MAN1A1: variants seen among roughly 807,000 people sequenced by gnomAD.
MAN1A1 encodes mannosidase alpha class 1A member 1.
Under a neutral mutation model 70.8 loss-of-function variants are expected in MAN1A1, and 29 were observed. That is an observed-to-expected ratio of 0.41 (90% CI 0.31 to 0.56). The LOEUF (loss-of-function observed/expected upper bound fraction) is 0.56, where lower values mean the gene tolerates loss of function less well. Among genes scored for constraint, MAN1A1 ranks in the 20% least tolerant of loss-of-function variants. The probability of loss-of-function intolerance (pLI) is 0.29; values close to 1 mark genes in which losing one functional copy is unlikely to be tolerated. For missense variants in MAN1A1, 747 were observed against 841.3 expected, an observed-to-expected ratio of 0.89 and a Z score of 1.39; for synonymous variants, 349 against 330.1, an observed-to-expected ratio of 1.06 and a Z score of -0.62.
chr6:119,282,884 A>G (rs144653166), intron 5 of MAN1A1, among the ~76,000 whole-genome samples: 1 of 152,318 alleles, frequency 6.6e-6, no homozygotes, highest in Non-Finnish European at 1.5e-5. Context: ...TAAGGACCAT[A>G]TATGTACCTT....
rs553812605 is a variant in MAN1A1 at position 119,331,565 on chromosome 6, T to C, written c.603+16898A>G. On this transcript the variant is annotated intron_variant, in intron 2 of 12. Transcript: ENST00000368468. Reference sequence around the variant, plus strand: ...ATACACGCACATAACCATGTACATATTATGCATATATATATATATATATAT... The same window carrying C: ...ATACACGCACATAACCATGTACATACTATGCATATATATATATATATATAT... 6.6e-3 allele frequency among the ~76,000 whole-genome samples: 362 copies of C among 55,242 alleles called. 4 individuals are homozygous for C. The highest frequency in any genetic ancestry group is 7.6e-3 in the Non-Finnish European group (203 of 26,744). 36.2% of individuals were successfully genotyped at this position (55,242 alleles called of 152,430 possible).
chr6:119,281,525 C>G (rs930334642), intron 5 of MAN1A1, among the ~76,000 whole-genome samples: 1 of 152,336 alleles, frequency 6.6e-6, no homozygotes, highest in Non-Finnish European at 1.5e-5. Context: ...CCACCACTCC[C>G]TCTTCCCCAT....
At chr6:119,327,378 G>GTTTTTTTTTTT (rs1186844213) in intron 2 of MAN1A1, 1 of 123,554 alleles carries the variant, frequency 8.1e-6, no homozygotes, top group Non-Finnish European at 1.7e-5. Flanking sequence ...GAAGCATTCC[G>GTTTTTTTTTTT]TTTTTTTTTT....
chr6:119,348,018 G>A (rs1203967713), intron 2 of MAN1A1, among the ~76,000 whole-genome samples: 1 of 152,226 alleles, frequency 6.6e-6, no homozygotes, highest in Non-Finnish European at 1.5e-5. Flanking sequence ...TGGCAGACAA[G>A]GGCCACACAG....
chr6:119,212,876 T>A (rs1774092483), intron 6 of MAN1A1, among the ~76,000 whole-genome samples: 1 of 152,216 alleles, frequency 6.6e-6, no homozygotes, highest in Non-Finnish European at 1.5e-5. Context: ...TGATGCCTAA[T>A]ACATTCTTTA....
At chr6:119,192,572 A>T (rs1303493369) in intron 9 of MAN1A1, among the ~76,000 whole-genome samples, 1 of 152,178 alleles carries the variant, frequency 6.6e-6, no homozygotes, top group Non-Finnish European at 1.5e-5. Flanking sequence ...TAGAAAGACC[A>T]ATTTTATAAT....
intron 6 of MAN1A1, among the ~76,000 whole-genome samples, chr6:119,211,225 C>T (rs1774042225): frequency 6.6e-6 from 1 of 152,146 alleles, no homozygotes; most frequent in South Asian, 2.1e-4. Flanking sequence ...CTATGTTTTC[C>T]ATCTCTGTCT....
chr6:119,230,881 T>C lies in MAN1A1; in HGVS notation c.992+17379A>G, dbSNP rs184876063. Among the ~76,000 whole-genome samples the C allele has an allele frequency of 3.9e-5, 6 of 152,338 alleles. No individual in the cohort carries two copies. The East Asian group carries it at 9.7e-4, about 25-fold the overall frequency. On this transcript the variant is annotated intron_variant, in intron 6 of 12. Transcript: ENST00000368468. Reference sequence around the variant, plus strand: ...AACTTTGTGGAGTCCCTCAACTCCATAGTATAGCTTATACTGGCAATGGGA... The same window carrying C: ...AACTTTGTGGAGTCCCTCAACTCCACAGTATAGCTTATACTGGCAATGGGA...
At chr6:119,332,538 C>T (rs183576445) in intron 2 of MAN1A1, among the ~76,000 whole-genome samples, 9 of 152,254 alleles carry the variant, frequency 5.9e-5, no homozygotes, top group East Asian at 1.9e-4. Flanking sequence ...GCCAACTGGC[C>T]GGGCACGGTG....
chr6:119,193,513 A>G (rs899434096), intron 9 of MAN1A1, among the ~76,000 whole-genome samples: 2 of 152,204 alleles, frequency 1.3e-5, no homozygotes, highest in African/African-American at 4.8e-5. Flanking sequence ...GAGAGAATTC[A>G]TATTTATCAA....
chr6:119,221,681 G>A (rs1774365428), intron 6 of MAN1A1, among the ~76,000 whole-genome samples: 1 of 151,944 alleles, frequency 6.6e-6, no homozygotes, highest in African/African-American at 2.4e-5. Context: ...TCAAACTCCT[G>A]ACCTCAAGTA....
At chr6:119,236,117 A>G (rs1774836795) in intron 6 of MAN1A1, among the ~76,000 whole-genome samples, 1 of 143,920 alleles carries the variant, frequency 6.9e-6, no homozygotes, top group Middle Eastern at 3.4e-3. Context: ...CCTGGATGAT[A>G]GAGCAAGACT....
chr6:119,230,772 A>G (rs1336237838), intron 6 of MAN1A1, among the ~76,000 whole-genome samples: 2 of 152,082 alleles, frequency 1.3e-5, no homozygotes, highest in African/African-American at 4.8e-5. Flanking sequence ...TTTTAGGGGG[A>G]AAAAACCCCA....
chr6:119,241,898 ATGTGTGTGTG>A (rs59230995), intron 6 of MAN1A1, among the ~76,000 whole-genome samples: 14 of 149,580 alleles, frequency 9.4e-5, no homozygotes, highest in African/African-American at 3.2e-4. Context: ...CAGCAATTAT[ATGTGTGTGTG>A]TGTGTGTGTG....
chr6:119,308,168 G>A (rs1342850085), intron 2 of MAN1A1, among the ~76,000 whole-genome samples: 1 of 152,094 alleles, frequency 6.6e-6, no homozygotes, highest in Non-Finnish European at 1.5e-5. Context: ...AGGTTTGGAA[G>A]TTAAAAAACA....
At chr6:119,336,018 C>G (rs542447326) in intron 2 of MAN1A1, among the ~76,000 whole-genome samples, 1 of 152,166 alleles carries the variant, frequency 6.6e-6, no homozygotes, top group African/African-American at 2.4e-5. Flanking sequence ...AATGCAAATT[C>G]TGGGGCCCAC....
chr6:119,221,102 T>C (rs1029029519), intron 6 of MAN1A1, among the ~76,000 whole-genome samples: 3 of 150,792 alleles, frequency 2.0e-5, no homozygotes, highest in Non-Finnish European at 4.5e-5. Flanking sequence ...ACAAGCCCAG[T>C]GCTTTAGCAT....
Position 119,349,713 on chromosome 6 carries a change from G to A in MAN1A1, c.-394C>T, listed in dbSNP as rs1257981783. The A allele has an allele frequency of 2.0e-6, 2 of 985,670 alleles. No homozygotes were observed. The highest frequency in any genetic ancestry group is 2.4e-6 in the Non-Finnish European group (2 of 830,066). The allele number at this position is 985,670 out of a possible 1,614,324, so 61.1% of individuals were successfully genotyped here. A position where few individuals can be genotyped will look rare whatever the true frequency, so the allele number is the denominator to read the frequency against. On this transcript the variant is annotated 5_prime_UTR_variant, in exon 1 of 13. Coordinates refer to ENST00000368468, the MANE Select transcript of MAN1A1 (RefSeq NM_005907.4). The stretch of plus-strand genomic sequence containing the variant: ...GAGCGCGCCGACCTGCGGGCGAATG[G>A]CAGCGAGTAGAGCAGCACGGTACAC...
chr6:119,349,876 G>A (rs947472379), upstream of MAN1A1: 24 of 452,482 alleles, frequency 5.3e-5, no homozygotes, highest in Non-Finnish European at 7.0e-5. Context: ...GCGGGGCCGA[G>A]GCGAGGAGGG....
Sources: gnomAD v4.1 joint callset for allele counts (sites outside exome capture counted in the v4.1 genomes callset) on GRCh38, gnomAD v4.1.1 for gene constraint, MANE v1.5 for transcripts, NCBI Gene and HGNC (gene_info 2026-07-23, HGNC 2026-07-21) for gene names.